Variants in C2orf80 observed in about 807,000 individuals in gnomAD.
The protein encoded by C2orf80 is chromosome 2 open reading frame 80.
C2orf80 carries 28 observed loss-of-function variants against 30.2 expected under a neutral mutation model. That is an observed-to-expected ratio of 0.93 (90% confidence interval 0.69 to 1.27). The LOEUF is 1.27. C2orf80 is among the 50% of genes most tolerant of loss of function. C2orf80 has a pLI of 0.00. For missense variants in C2orf80, 220 were observed against 231.0 expected, an observed-to-expected ratio of 0.95 and a Z score of 0.31; for synonymous variants, 80 against 76.4, an observed-to-expected ratio of 1.05 and a Z score of -0.24.
In C2orf80 at chr2:208,188,649, T is replaced by C. The variant is rs555408670; in HGVS notation, c.-76+1304A>G. The stretch of plus-strand genomic sequence containing the variant: ...TTTTAGTAGAGACCGGGTGGTGTCA[T>C]CATATTGGCCAGGATGGTCTCCATC... On this transcript the variant is annotated intron_variant, in intron 1 of 8. Coordinates refer to ENST00000341287, the MANE Select transcript of C2orf80 (RefSeq NM_001099334.3). Among the ~76,000 whole-genome samples, 52 of 152,194 alleles carry C rather than the reference T, an allele frequency of 3.4e-4. No homozygotes were observed. In the South Asian group the frequency reaches 0.011, roughly 32 times the overall value.
chr2:208,187,566 A>G (rs1696754302), intron 1 of C2orf80, among the ~76,000 whole-genome samples: 1 of 152,134 alleles, frequency 6.6e-6, no homozygotes, highest in South Asian at 2.1e-4. Flanking sequence ...CCACCCCCAC[A>G]TTGAACCAGA....
chr2:208,180,689 A>G (rs2105908234), intron 6 of C2orf80, 56 bp downstream of exon 6: 1 of 1,334,478 alleles, frequency 7.5e-7, no homozygotes, highest in East Asian at 2.3e-5. Context: ...ACATTTATAC[A>G]CTAAATAAAT....
At chr2:208,184,673 G>T (rs1696661693) in intron 3 of C2orf80, among the ~76,000 whole-genome samples, 1 of 152,182 alleles carries the variant, frequency 6.6e-6, no homozygotes, top group Non-Finnish European at 1.5e-5. Context: ...TAACTCCACA[G>T]ACGTAACATT....
In C2orf80 at chr2:208,176,419, G is replaced by A. The variant is rs186451685; in HGVS notation, c.366+4326C>T. 3.9e-5 allele frequency among the ~76,000 whole-genome samples: 6 copies of A among 152,108 alleles called. No individual in the cohort carries two copies. The East Asian group carries it at 7.7e-4, about 20-fold the overall frequency. On this transcript the variant is annotated intron_variant, in intron 6 of 8. Transcript: ENST00000341287. ...TCGAACTCCTGACCTCAAGTGATCC[G>A]CCCGCCTCGGCCTCCCAAAGTGCTG... is the stretch of plus-strand genomic sequence containing the variant.
chr2:208,172,219 A>G, intron 6 of C2orf80, 144 bp from the exon 7 acceptor site: 1 of 733,102 alleles, frequency 1.4e-6, no homozygotes, highest in Non-Finnish European at 2.5e-6. Context: ...CACTGTCCAC[A>G]GTCCATTGAT....
intron 6 of C2orf80, among the ~76,000 whole-genome samples, chr2:208,173,825 A>G (rs13432967): frequency 0.02 from 3,062 of 152,168 alleles, 88 homozygotes; most frequent in African/African-American, 0.068. Context: ...TAAAGCTGTT[A>G]ATACTGTTCC....
chr2:208,176,856 A>G (rs1295660215), intron 6 of C2orf80, among the ~76,000 whole-genome samples: 1 of 52,270 alleles, frequency 1.9e-5, no homozygotes, highest in Non-Finnish European at 3.7e-5. Flanking sequence ...ATATATCTAT[A>G]TATATACTAT....
chr2:208,174,116 C>T (rs933854092), intron 6 of C2orf80, among the ~76,000 whole-genome samples: 3 of 151,858 alleles, frequency 2.0e-5, no homozygotes, highest in Non-Finnish European at 4.4e-5. Flanking sequence ...CCATGCCTGG[C>T]GAATTTTTGT....
chr2:208,186,971 T>C lies in C2orf80; in HGVS notation c.16A>G (p.Ile6Val), dbSNP rs780942009. MERRL[I>V]KKEMKKLLGD... is the part of the protein sequence containing the mutation. ...AAGAGCTTTTTCATTTCCTTCTTTA[T>C]GAGCCTTCTTTCCATGTTAAAGGCT... The change falls in exon 2 of 9, where the codon ATA becomes GTA. Residue 6 changes from isoleucine to valine, a missense_variant. By Grantham distance (29) the Ile-to-Val change is conservative. Coordinates refer to ENST00000341287, the MANE Select transcript of C2orf80 (RefSeq NM_001099334.3). 9.9e-6 allele frequency: 16 copies of C among 1,614,024 alleles called. No individual in the cohort carries two copies. Among genetic ancestry groups the C allele is most frequent in the Admixed American group, 1.7e-5 (1 of 60,014 alleles).
intron 3 of C2orf80, 22 bp from the exon 4 acceptor site, chr2:208,183,069 A>G: frequency 2.5e-6 from 4 of 1,607,882 alleles, no homozygotes; most frequent in Non-Finnish European, 3.4e-6. Context: ...AAGCACAGAG[A>G]GCAAAGAAAC....
chr2:208,169,388 T>A (rs1352384033), intron 8 of C2orf80, among the ~76,000 whole-genome samples: 1 of 152,024 alleles, frequency 6.6e-6, no homozygotes, highest in Admixed American at 6.6e-5. Context: ...GACCTCATTT[T>A]TCAAATTCTT....
chr2:208,176,943 GTATACAT>G (rs747985692), intron 6 of C2orf80, among the ~76,000 whole-genome samples: 4,895 of 87,352 alleles, frequency 0.056, 1,413 homozygotes, highest in Non-Finnish European at 0.087. Context: ...ATACATATCT[GTATACAT>G]ATCTGTATAC....
chr2:208,169,540 C>T (rs1251987755), intron 8 of C2orf80, among the ~76,000 whole-genome samples: 1 of 151,722 alleles, frequency 6.6e-6, no homozygotes, highest in Non-Finnish European at 1.5e-5. Context: ...TGGTGAAACC[C>T]CACCTCTACT....
chr2:208,178,706 G>T (rs894389524), intron 6 of C2orf80, among the ~76,000 whole-genome samples: 16 of 152,040 alleles, frequency 1.1e-4, no homozygotes, highest in African/African-American at 3.6e-4. Context: ...TTGAGCCCAG[G>T]AGTTCAAGAC....
chr2:208,176,919 CTGTATACATA>C lies in C2orf80; in HGVS notation c.366+3816_366+3825del, dbSNP rs1696331704. On this transcript the variant is annotated intron_variant, in intron 6 of 8. Coordinates refer to ENST00000341287, the MANE Select transcript of C2orf80 (RefSeq NM_001099334.3). ...TATATACATATCTGTGTATACATAT[CTGTATACATA>C]TGTATACATATCTGTATACATATCT... Among the ~76,000 whole-genome samples the C allele has an allele frequency of 4.8e-4, 39 of 81,690 alleles. 9 individuals carry two copies. The South Asian group carries it at 0.011, about 23-fold the overall frequency. 53.6% of individuals were successfully genotyped at this position (81,690 alleles called of 152,430 possible). A position where few individuals can be genotyped will look rare whatever the true frequency, so the allele number is the denominator to read the frequency against.
intron 7 of C2orf80, 34 bp from the exon 8 acceptor site, chr2:208,171,097 A>C: frequency 6.9e-7 from 1 of 1,452,908 alleles, no homozygotes; most frequent in Non-Finnish European, 9.5e-7. Context: ...ATCTGTATAT[A>C]AAACTTTTTT....
At chr2:208,178,536 G>A (rs1696439843) in intron 6 of C2orf80, among the ~76,000 whole-genome samples, 1 of 152,176 alleles carries the variant, frequency 6.6e-6, no homozygotes, top group Non-Finnish European at 1.5e-5. Context: ...ACCAAGAACA[G>A]CTTGATCTCT....
intron 7 of C2orf80, 72 bp from the exon 8 acceptor site, chr2:208,171,135 T>G (rs1458652661): frequency 4.1e-6 from 4 of 978,618 alleles, no homozygotes; most frequent in Non-Finnish European, 6.4e-6. Context: ...AAGTTTCATT[T>G]AATTTCATTT....
intron 8 of C2orf80, among the ~76,000 whole-genome samples, chr2:208,167,213 T>TAA (rs977308621): frequency 6.6e-6 from 1 of 151,360 alleles, no homozygotes; most frequent in African/African-American, 2.4e-5. Flanking sequence ...CAATGCAATT[T>TAA]AAAAAAAAAA....
Sources: gnomAD v4.1 joint callset for allele counts (sites outside exome capture counted in the v4.1 genomes callset) on GRCh38, gnomAD v4.1.1 for gene constraint, MANE v1.5 for transcripts, NCBI Gene and HGNC (gene_info 2026-07-23, HGNC 2026-07-21) for gene names.